Variants in LBHD1 observed in about 807,000 individuals in gnomAD.
The protein encoded by LBHD1 is LBH domain-containing protein 1.
In LBHD1, 28 loss-of-function variants were observed where a neutral mutation model predicts 31.1. The ratio of observed to expected loss-of-function variants is 0.90; its 90% CI spans 0.67 to 1.24. The LOEUF is 1.24. LBHD1 is among the 50% of genes most tolerant of loss of function. The pLI is 0.00. For synonymous variants in LBHD1, 105 were observed against 116.5 expected (o/e 0.90, Z 0.63); for missense variants, 350 against 323.0 (o/e 1.08, Z -0.64).
intron 5 of LBHD1, among the ~76,000 whole-genome samples, chr11:62,664,145 A>C (rs1412387779): frequency 6.6e-6 from 1 of 151,452 alleles, no homozygotes; most frequent in Non-Finnish European, 1.5e-5. Context: ...ACTCTTCCTC[A>C]AGACACAGGA....
At chr11:62,670,228 G>A (rs953645653) in intron 1 of LBHD1, 187 bp from the exon 2 acceptor site, 1 of 617,230 alleles carries the variant, frequency 1.6e-6, no homozygotes, top group African/African-American at 1.8e-5. Context: ...CTTACTCCCT[G>A]GAGACACTGG....
Position 62,671,562 on chromosome 11 carries a change from AC to A in LBHD1, c.-11+1del. 2 of 1,436,556 alleles carry A rather than the reference AC, an allele frequency of 1.4e-6. No homozygotes were observed. The highest frequency in any genetic ancestry group is 5.6e-5 in the Admixed American group (2 of 35,480). 89.0% of individuals were successfully genotyped at this position (1,436,556 alleles called of 1,614,324 possible). ...TGGACACCTCAACCCCCTCAGCTAA[AC>A]CTGAGATCCAAGCGCTCCGGATTCC... On this transcript the variant is annotated splice_donor_variant, in intron 1 of 6. Coordinates refer to ENST00000354588, the MANE Select transcript of LBHD1 (RefSeq NM_024099.5). LOFTEE classifies it low-confidence loss of function (5UTR_SPLICE).
intron 4 of LBHD1, chr11:62,666,317 A>C: frequency 1.3e-6 from 2 of 1,488,446 alleles, no homozygotes; most frequent in Non-Finnish European, 1.8e-6. Flanking sequence ...CTCAAAAAAA[A>C]AAAAGACGCC....
chr11:62,665,393 G>C (rs778976607), intron 4 of LBHD1: 3 of 1,255,492 alleles, frequency 2.4e-6, no homozygotes, highest in Non-Finnish European at 3.4e-6. Flanking sequence ...GGGGTGCCGG[G>C]TGGAAGGCTC....
chr11:62,665,886 G>A, intron 4 of LBHD1: 1 of 1,613,418 alleles, frequency 6.2e-7, no homozygotes, highest in Non-Finnish European at 8.5e-7. Context: ...CCAGATGGCC[G>A]CGCTGCGTCG....
intron 5 of LBHD1, among the ~76,000 whole-genome samples, chr11:62,664,326 C>CTTTTTTT (rs35917869): frequency 5.2e-5 from 4 of 77,438 alleles, no homozygotes; most frequent in Admixed American, 1.8e-4. Flanking sequence ...TCCTGATATT[C>CTTTTTTT]TTTTTTTTTT....
At chr11:62,666,309 CAA>C (rs745593794) in intron 4 of LBHD1, 1,896 of 1,196,544 alleles carry the variant, frequency 1.6e-3, no homozygotes, top group Non-Finnish European at 1.8e-3. Flanking sequence ...GACCCTGTCT[CAA>C]AAAAAAAAAA....
In LBHD1 at chr11:62,667,188, T is replaced by C. The variant is rs1466093781; in HGVS notation, c.538+335A>G. ...ATTTACTAGCTGGGTGCCATATTGCTGAATGTTTCTGTTCCCCAGTTTACT... is the reference window on the plus strand; with the variant it reads ...ATTTACTAGCTGGGTGCCATATTGCCGAATGTTTCTGTTCCCCAGTTTACT... On this transcript the variant is annotated intron_variant, in intron 4 of 6. Coordinates refer to ENST00000354588, the MANE Select transcript of LBHD1 (RefSeq NM_024099.5). 7 of 869,114 alleles carry C rather than the reference T, an allele frequency of 8.1e-6. No individual in the cohort carries two copies. In the Admixed American group the frequency reaches 1.4e-4, roughly 17 times the overall value. 53.8% of individuals were successfully genotyped at this position (869,114 alleles called of 1,614,324 possible).
chr11:62,671,643 T>G lies in LBHD1; in HGVS notation c.-90A>C. 5.9e-6 allele frequency: 9 copies of G among 1,537,964 alleles called. No individual in the cohort carries two copies. Among genetic ancestry groups the G allele is most frequent in the Non-Finnish European group, 3.5e-6 (4 of 1,146,882 alleles). ...CCGGCCGCTTATCTATGGTTTCTGCTATAGGGCGCTCTAGCCTGCGCCAAG... is the reference window on the plus strand; with the variant it reads ...CCGGCCGCTTATCTATGGTTTCTGCGATAGGGCGCTCTAGCCTGCGCCAAG... On this transcript the variant is annotated 5_prime_UTR_variant, in exon 1 of 7. Transcript: ENST00000354588.
At chr11:62,667,030 C>G (rs1565128333) in intron 4 of LBHD1, 1 of 1,605,916 alleles carries the variant, frequency 6.2e-7, no homozygotes, top group Non-Finnish European at 8.5e-7. Context: ...ACTTTGCTTA[C>G]TTGATTCAAG....
In LBHD1 at chr11:62,667,652, A is replaced by G. The variant is rs1944855968; in HGVS notation, c.409T>C (p.Trp137Arg). The change falls in exon 4 of 7, where the codon TGG becomes CGG. Residue 137 changes from tryptophan to arginine, a missense_variant. Physicochemically the swap from Trp to Arg is moderately radical, Grantham distance 101. Coordinates refer to ENST00000354588, the MANE Select transcript of LBHD1 (RefSeq NM_024099.5). ...AGACATGCTGTGTCCTCAAGAATCCAACAAGCATCTTCTTCATCCTGGTCC... is the reference window on the plus strand; with the variant it reads ...AGACATGCTGTGTCCTCAAGAATCCGACAAGCATCTTCTTCATCCTGGTCC... Reference protein sequence around the residue: ...GQDQDEEDACWILEDTACLEA... With the variant: ...GQDQDEEDACRILEDTACLEA... The G allele has an allele frequency of 6.2e-7, 1 of 1,614,082 alleles. No homozygotes were observed. The highest frequency in any genetic ancestry group is 1.3e-5 in the African/African-American group (1 of 74,930).
At chr11:62,670,155 G>A (rs1590853934) in intron 1 of LBHD1, 114 bp from the exon 2 acceptor site, 2 of 1,095,100 alleles carry the variant, frequency 1.8e-6, no homozygotes, top group East Asian at 2.5e-5. Flanking sequence ...ACTGTGCTAA[G>A]CGATTATACG....
At chr11:62,665,866 ACC>A in intron 4 of LBHD1, 1 of 1,612,260 alleles carries the variant, frequency 6.2e-7, no homozygotes, top group Non-Finnish European at 8.5e-7. Flanking sequence ...GGTCGAACTT[ACC>A]CGAATCTCCA....
In LBHD1 at chr11:62,663,059, A is replaced by T. The variant is rs1047047964; in HGVS notation, c.*70T>A. The T allele has an allele frequency of 6.3e-7, 1 of 1,589,608 alleles. No homozygotes were observed. The highest frequency in any genetic ancestry group is 1.3e-5 in the African/African-American group (1 of 74,272). On this transcript the variant is annotated 3_prime_UTR_variant, in exon 7 of 7. Transcript: ENST00000354588. ...TTCTAGTGGAAGAGGTTTAGCTCTC[A>T]TCTTCAAGGTCCTTCATTTCTACAT...
In LBHD1 at chr11:62,665,703, C is replaced by T. The variant is rs968481749; in HGVS notation, c.539-730G>A. On this transcript the variant is annotated intron_variant, in intron 4 of 6. Transcript: ENST00000354588. ...CCCGCTGCAGCCAATAAAGGCCGTT[C>T]CTACCATAGTCTGTGTCCGCGTTCT... is the stretch of plus-strand genomic sequence containing the variant. 6.8e-6 allele frequency: 10 copies of T among 1,459,944 alleles called. No homozygotes were observed. The African/African-American group carries it at 1.3e-4, about 19-fold the overall frequency. The allele number at this position is 1,459,944 out of a possible 1,614,324, so 90.4% of individuals were successfully genotyped here.
chr11:62,665,323 TGGTGAGCTA>T (rs1944767646), intron 4 of LBHD1: 1 of 729,352 alleles, frequency 1.4e-6, no homozygotes, highest in African/African-American at 1.8e-5. Context: ...TTTCGGAGGG[TGGTGAGCTA>T]GTAAGTGTGG....
chr11:62,665,818 C>T, intron 4 of LBHD1: 1 of 1,586,352 alleles, frequency 6.3e-7, no homozygotes. Flanking sequence ...CAGGCCTCTC[C>T]GGCTGGAGTA....
At chr11:62,665,538 C>T (rs762785573) in intron 4 of LBHD1, 6 of 1,569,854 alleles carry the variant, frequency 3.8e-6, no homozygotes, top group African/African-American at 1.3e-5. Flanking sequence ...GGCTTCCCAT[C>T]CGCTGGTTCT....
chr11:62,665,724 G>C (rs978527715), intron 4 of LBHD1: 3 of 1,463,662 alleles, frequency 2.0e-6, no homozygotes, highest in Admixed American at 2.4e-5. Flanking sequence ...CTGTGTCCGC[G>C]TTCTTTTTTC....
Sources: gnomAD v4.1 joint callset for allele counts (sites outside exome capture counted in the v4.1 genomes callset) on GRCh38, gnomAD v4.1.1 for gene constraint, MANE v1.5 for transcripts, NCBI Gene and HGNC (gene_info 2026-07-23, HGNC 2026-07-21) for gene names.